CDH13: variants seen among roughly 807,000 people sequenced by gnomAD.
The protein encoded by CDH13 is cadherin 13, also known as cadherin-13.
CDH13 carries 24 observed loss-of-function variants against 63.8 expected under a neutral mutation model. The ratio of observed to expected loss-of-function variants is 0.38; its 90% confidence interval spans 0.27 to 0.53. The LOEUF is 0.53. Among genes scored for constraint, CDH13 ranks in the 20% least tolerant of loss-of-function variants. The pLI is 0.85. For missense variants in CDH13, 1,049 were observed against 903.1 expected (o/e 1.16, Z -2.07); for synonymous variants, 503 against 355.3 (o/e 1.42, Z -4.67).
chr16:83,664,632 C>G (rs986317550), intron 8 of CDH13, among the ~76,000 whole-genome samples: 2 of 151,790 alleles, frequency 1.3e-5, no homozygotes, highest in African/African-American at 4.8e-5. Context: ...CTTCTAAGAA[C>G]TTTACTGTTT....
intron 8 of CDH13, among the ~76,000 whole-genome samples, chr16:83,652,121 G>T (rs747229885): frequency 1.3e-4 from 20 of 152,188 alleles, no homozygotes; most frequent in Non-Finnish European, 2.5e-4. Context: ...AATATGCGAC[G>T]TGCTCATGGG....
chr16:82,788,408 G>T (rs7184633), intron 1 of CDH13, among the ~76,000 whole-genome samples: 61,172 of 152,028 alleles, frequency 0.4, 12,556 homozygotes, highest in South Asian at 0.48. Flanking sequence ...TGTGGTCCAC[G>T]TGACTCTTAA....
intron 2 of CDH13, among the ~76,000 whole-genome samples, chr16:83,001,513 G>A (rs1200691161): frequency 2.0e-5 from 3 of 152,226 alleles, no homozygotes; most frequent in South Asian, 4.1e-4. Flanking sequence ...ACCGTGTCCA[G>A]GGCCTCAGCC....
intron 5 of CDH13, among the ~76,000 whole-genome samples, chr16:83,330,050 G>T (rs146894584): frequency 2.0e-5 from 3 of 152,262 alleles, no homozygotes; most frequent in African/African-American, 7.2e-5. Context: ...ATCCAGAAAT[G>T]GGATGCAAAT....
At chr16:82,907,293 G>A (rs929183351) in intron 2 of CDH13, among the ~76,000 whole-genome samples, 11 of 152,016 alleles carry the variant, frequency 7.2e-5, no homozygotes, top group East Asian at 1.9e-4. Flanking sequence ...AGTGACCCCC[G>A]CTGCCCCCTC....
intron 6 of CDH13, among the ~76,000 whole-genome samples, chr16:83,352,434 C>T (rs1212133627): frequency 6.6e-6 from 1 of 152,132 alleles, no homozygotes; most frequent in Non-Finnish European, 1.5e-5. Context: ...TAGAATAGAA[C>T]TACCATTTAA....
intron 8 of CDH13, among the ~76,000 whole-genome samples, chr16:83,635,590 C>A (rs1237124895): frequency 1.3e-5 from 2 of 151,982 alleles, no homozygotes; most frequent in African/African-American, 4.8e-5. Context: ...GATCTGCCTG[C>A]CTCGGCATCC....
intron 2 of CDH13, among the ~76,000 whole-genome samples, chr16:82,985,269 G>C (rs1212375066): frequency 6.6e-6 from 1 of 152,150 alleles, no homozygotes; most frequent in African/African-American, 2.4e-5. Context: ...ATCTAAAGGA[G>C]GGGGAGTTGA....
At position 83,798,478 on chromosome 16, in the gene CDH13, T is replaced by A. The variant is rs934188857; in HGVS notation, c.*3448T>A. 6.6e-6 allele frequency: 1 copy of A among 152,204 alleles called. No homozygotes were observed. The highest frequency in any genetic ancestry group is 2.4e-5 in the African/African-American group (1 of 41,442). The allele number at this position is 152,204 out of a possible 1,614,324, so 9.4% of individuals were successfully genotyped here. ...TTACAGATAGTAACTCATTAATCCC[T>A]CCAGTAACATATGAGACAAGCACTA... On this transcript the variant is annotated 3_prime_UTR_variant, in exon 14 of 14. Transcript: ENST00000567109.
chr16:83,189,477 C>T (rs966601817), intron 4 of CDH13, among the ~76,000 whole-genome samples: 24 of 152,328 alleles, frequency 1.6e-4, no homozygotes, highest in South Asian at 2.1e-4. Flanking sequence ...GAAAGTGGTA[C>T]TGTGTTAGTC....
At chr16:83,683,289 TCTTATC>T (rs1244546324) in intron 10 of CDH13, among the ~76,000 whole-genome samples, 1 of 152,254 alleles carries the variant, frequency 6.6e-6, no homozygotes, top group Non-Finnish European at 1.5e-5. Context: ...ACTTTTATCT[TCTTATC>T]CTTATTATAA....
intron 4 of CDH13, among the ~76,000 whole-genome samples, chr16:83,201,253 G>T (rs1435428870): frequency 6.6e-6 from 1 of 152,038 alleles, no homozygotes; most frequent in Non-Finnish European, 1.5e-5. Context: ...TCACAGCAGA[G>T]AACAAAATGA....
intron 5 of CDH13, among the ~76,000 whole-genome samples, chr16:83,301,024 G>GTTTTTTTTTTTTTTTTTTTTTT (rs1567574870): frequency 9.3e-5 from 5 of 53,984 alleles, no homozygotes; most frequent in African/African-American, 3.4e-4. Context: ...AACTTTCTGG[G>GTTTTTTTTTTTTTTTTTTTTTT]GTTTTTTTTT....
chr16:83,242,013 T>A (rs997267368), intron 5 of CDH13, among the ~76,000 whole-genome samples: 1 of 152,216 alleles, frequency 6.6e-6, no homozygotes, highest in Admixed American at 6.5e-5. Flanking sequence ...GATTTTTGTA[T>A]ACGGCATGAG....
chr16:83,520,656 A>G (rs936380225), intron 7 of CDH13, among the ~76,000 whole-genome samples: 47 of 152,168 alleles, frequency 3.1e-4, no homozygotes, highest in South Asian at 2.1e-4. Context: ...TCAATTGCCA[A>G]TTTTGATTAC....
At chr16:82,993,989 A>G (rs1160452316) in intron 2 of CDH13, among the ~76,000 whole-genome samples, 2 of 152,020 alleles carry the variant, frequency 1.3e-5, no homozygotes, top group East Asian at 1.9e-4. Flanking sequence ...TTTCCCCATC[A>G]TTATATCCCT....
intron 7 of CDH13, among the ~76,000 whole-genome samples, chr16:83,601,075 C>G (rs1033033084): frequency 6.6e-6 from 1 of 152,094 alleles, no homozygotes; most frequent in African/African-American, 2.4e-5. Flanking sequence ...CATTATATCA[C>G]TGGAATAAGA....
intron 6 of CDH13, among the ~76,000 whole-genome samples, chr16:83,363,944 G>A (rs1329201923): frequency 1.3e-5 from 2 of 152,136 alleles, no homozygotes; most frequent in African/African-American, 4.8e-5. Context: ...TGGACAGAGG[G>A]GAGTTTGTGA....
intron 5 of CDH13, among the ~76,000 whole-genome samples, chr16:83,333,949 C>T (rs1279565558): frequency 6.6e-6 from 1 of 152,178 alleles, no homozygotes; most frequent in Non-Finnish European, 1.5e-5. Context: ...TCTTATCTTG[C>T]AGTTCTGTAA....
Sources: gnomAD v4.1 joint callset for allele counts (sites outside exome capture counted in the v4.1 genomes callset) on GRCh38, gnomAD v4.1.1 for gene constraint, MANE v1.5 for transcripts, NCBI Gene and HGNC (gene_info 2026-07-23, HGNC 2026-07-21) for gene names.